The following MAF variants were observed in gnomAD, a reference collection of about 807,000 sequenced individuals.
The protein encoded by MAF is transcription factor Maf.
Under a neutral mutation model 22.0 loss-of-function variants are expected in MAF, and 10 were observed. The observed-to-expected ratio is 0.45, with a 90% CI of 0.28 to 0.77. The LOEUF (loss-of-function observed/expected upper bound fraction) is 0.77, where lower values mean the gene tolerates loss of function less well. MAF is among the 30% of genes least tolerant of loss of function. The pLI is 0.12. For missense variants in MAF, 544 were observed against 548.4 expected, an observed-to-expected ratio of 0.99 and a Z score of 0.08; for synonymous variants, 337 against 255.8, an observed-to-expected ratio of 1.32 and a Z score of -3.03.
chr16:79,456,886 T>C, the MAF span, among the ~76,000 whole-genome samples: 283 of 152,222 alleles, frequency 1.9e-3, 10 homozygotes, highest in South Asian at 0.051. Flanking sequence ...CTTTGTAGCA[T>C]AGAAGCATTA....
chr16:79,432,765 T>C, the MAF span, among the ~76,000 whole-genome samples: 26 of 152,134 alleles, frequency 1.7e-4, no homozygotes, highest in Admixed American at 1.3e-3. Context: ...CAGAACATCA[T>C]GTGAATGTGA....
the MAF span, among the ~76,000 whole-genome samples, chr16:79,578,111 A>G: frequency 6.6e-6 from 1 of 152,242 alleles, no homozygotes; most frequent in African/African-American, 2.4e-5. Context: ...ATATATTTCA[A>G]TTAATGAGAT....
the MAF span, among the ~76,000 whole-genome samples, chr16:79,575,987 C>A: frequency 6.6e-6 from 1 of 151,848 alleles, no homozygotes; most frequent in Non-Finnish European, 1.5e-5. Flanking sequence ...CCACAGGGAG[C>A]CTATGAACAC....
chr16:79,542,348 G>A, the MAF span, among the ~76,000 whole-genome samples: 14 of 152,156 alleles, frequency 9.2e-5, no homozygotes, highest in South Asian at 8.3e-4. Flanking sequence ...CCCCTGGTGC[G>A]TGTTATTTTT....
At chr16:79,271,942 G>A in the MAF span, among the ~76,000 whole-genome samples, 1 of 152,168 alleles carries the variant, frequency 6.6e-6, no homozygotes, top group Non-Finnish European at 1.5e-5. Context: ...CAAAACGGGG[G>A]CCCACACAGG....
the MAF span, among the ~76,000 whole-genome samples, chr16:79,261,605 A>G: frequency 5.3e-5 from 8 of 152,180 alleles, no homozygotes; most frequent in African/African-American, 1.7e-4. Context: ...AGATGCCTCT[A>G]TAGAGGAGAC....
chr16:79,460,579 C>G, the MAF span, among the ~76,000 whole-genome samples: 8 of 152,004 alleles, frequency 5.3e-5, no homozygotes, highest in African/African-American at 1.9e-4. Context: ...ATAAAAAAAT[C>G]CATTTGCTCT....
the MAF span, among the ~76,000 whole-genome samples, chr16:79,233,465 C>T: frequency 6.6e-6 from 1 of 151,856 alleles, no homozygotes; most frequent in Non-Finnish European, 1.5e-5. Flanking sequence ...ATGTCATCTC[C>T]CAGAGCTATG....
Position 79,600,495 on chromosome 16 carries a change from T to A in MAF, c.-593A>T, listed in dbSNP as rs1209891221. On this transcript the variant is annotated 5_prime_UTR_variant, in exon 1 of 2. Coordinates refer to ENST00000326043, the MANE Select transcript of MAF (RefSeq NM_005360.5). ...GGCTCTCTTTATTATTTTTTTTCTT[T>A]CCTCTCTCTCCCTCGCGCGCTCTCT... is the stretch of plus-strand genomic sequence containing the variant. 5.1e-6 allele frequency: 1 copy of A among 194,336 alleles called. No individual in the cohort carries two copies. The highest frequency in any genetic ancestry group is 1.2e-5 in the Non-Finnish European group (1 of 84,498). 12.0% of individuals were successfully genotyped at this position (194,336 alleles called of 1,614,324 possible). A position where few individuals can be genotyped will look rare whatever the true frequency, so the allele number is the denominator to read the frequency against.
chr16:79,537,675 G>T, the MAF span, among the ~76,000 whole-genome samples: 1 of 152,138 alleles, frequency 6.6e-6, no homozygotes. Flanking sequence ...ATGGCTCCTA[G>T]AAATACTTCA....
the MAF span, among the ~76,000 whole-genome samples, chr16:79,440,022 G>A: frequency 6.6e-6 from 1 of 152,228 alleles, no homozygotes; most frequent in Admixed American, 6.5e-5. Context: ...GAACAGACAG[G>A]CACAGTCAGA....
At chr16:79,534,502 C>A in the MAF span, among the ~76,000 whole-genome samples, 13 of 152,042 alleles carry the variant, frequency 8.6e-5, no homozygotes, top group African/African-American at 2.9e-4. Context: ...ATCCTTTTAT[C>A]CACCAAACCT....
intron 1 of MAF, among the ~76,000 whole-genome samples, chr16:79,587,486 T>G (rs1912918641): frequency 1.3e-5 from 2 of 152,170 alleles, no homozygotes; most frequent in African/African-American, 4.8e-5. Flanking sequence ...GAATAGAGTT[T>G]AAAAGCTTAA....
the MAF span, among the ~76,000 whole-genome samples, chr16:79,420,636 T>G: frequency 1.3e-5 from 2 of 152,240 alleles, no homozygotes; most frequent in Admixed American, 1.3e-4. Flanking sequence ...GGGTTCACTT[T>G]AGCTGTTGCT....
the MAF span, among the ~76,000 whole-genome samples, chr16:79,374,120 T>C: frequency 1.3e-5 from 2 of 152,192 alleles, no homozygotes; most frequent in African/African-American, 4.8e-5. Context: ...ATACAACATG[T>C]AGAAGGTACC....
At position 79,598,060 on chromosome 16, in the gene MAF, C is replaced by A. The variant is rs1373894305; in HGVS notation, c.1118+725G>T. Reference sequence around the variant, plus strand: ...TAGCATAACAATGCTAAAAAAAAAACCCGATGGAACTCGGCACGCTGCAAG... The same window carrying A: ...TAGCATAACAATGCTAAAAAAAAAAACCGATGGAACTCGGCACGCTGCAAG... On this transcript the variant is annotated intron_variant, in intron 1 of 1. Coordinates refer to ENST00000326043, the MANE Select transcript of MAF (RefSeq NM_005360.5). 12 of 1,034,988 alleles carry A rather than the reference C, an allele frequency of 1.2e-5. No homozygotes were observed. In the East Asian group the frequency reaches 2.3e-4, roughly 20 times the overall value. 64.1% of individuals were successfully genotyped at this position (1,034,988 alleles called of 1,614,324 possible).
At chr16:79,422,137 G>A in the MAF span, among the ~76,000 whole-genome samples, 8 of 152,274 alleles carry the variant, frequency 5.3e-5, no homozygotes, top group South Asian at 2.1e-4. Context: ...ATTCTACACC[G>A]AGGACAGAGC....
At chr16:79,408,089 A>C in the MAF span, among the ~76,000 whole-genome samples, 1 of 149,226 alleles carries the variant, frequency 6.7e-6, no homozygotes, top group African/African-American at 2.4e-5. Context: ...AAAAAAAAAA[A>C]AAAAAAAAAA....
the MAF span, among the ~76,000 whole-genome samples, chr16:79,533,568 G>A: frequency 7.2e-5 from 11 of 152,260 alleles, no homozygotes; most frequent in East Asian, 1.5e-3. Flanking sequence ...GGAATGGAAA[G>A]TATGACATCT....
Sources: gnomAD v4.1 joint callset for allele counts (sites outside exome capture counted in the v4.1 genomes callset) on GRCh38, gnomAD v4.1.1 for gene constraint, MANE v1.5 for transcripts, NCBI Gene and HGNC (gene_info 2026-07-23, HGNC 2026-07-21) for gene names.